DCC: variants seen among roughly 807,000 people sequenced by gnomAD.
DCC encodes the protein netrin receptor DCC.
In DCC, 58 loss-of-function variants were observed where a neutral mutation model predicts 172.5. That is an observed-to-expected ratio of 0.34 (90% CI 0.27 to 0.42). The LOEUF (loss-of-function observed/expected upper bound fraction) is 0.42, where lower values mean the gene tolerates loss of function less well. Ranked by LOEUF, DCC falls within the 10% of genes least tolerant of loss-of-function variation. The pLI, the probability that DCC is intolerant of heterozygous loss-of-function variation, is 1.00. For synonymous variants in DCC, 709 were observed against 644.5 expected (o/e 1.10, Z -1.52); for missense variants, 1,740 against 1,791.0 (o/e 0.97, Z 0.51).
At chr18:53,082,117 A>G (rs913178686) in intron 7 of DCC, among the ~76,000 whole-genome samples, 7 of 152,132 alleles carry the variant, frequency 4.6e-5, no homozygotes, top group African/African-American at 1.7e-4. Flanking sequence ...ATAAGCTTCA[A>G]TGGGGGCTTT....
chr18:53,101,387 A>G (rs114344653), intron 7 of DCC, among the ~76,000 whole-genome samples: 3,053 of 152,176 alleles, frequency 0.02, 106 homozygotes, highest in African/African-American at 0.069. Context: ...GCCATGAAAT[A>G]TTTCATGGGC....
chr18:52,515,403 C>G (rs577108702), intron 1 of DCC, among the ~76,000 whole-genome samples: 1 of 151,418 alleles, frequency 6.6e-6, no homozygotes, highest in Non-Finnish European at 1.5e-5. Flanking sequence ...GTCAAGAGAT[C>G]GAGACCATCC....
At chr18:53,088,690 A>T (rs191701195) in intron 7 of DCC, among the ~76,000 whole-genome samples, 1 of 152,328 alleles carries the variant, frequency 6.6e-6, no homozygotes, top group Non-Finnish European at 1.5e-5. Context: ...AGAAAAAAAG[A>T]GAGAAGAATC....
chr18:53,412,653 C>T (rs1460555339), intron 20 of DCC, among the ~76,000 whole-genome samples: 2 of 150,678 alleles, frequency 1.3e-5, no homozygotes. Flanking sequence ...CCAGTACTCA[C>T]TGGGTAATGG....
intron 2 of DCC, among the ~76,000 whole-genome samples, chr18:52,773,829 C>CATAT (rs369197942): frequency 7.3e-6 from 1 of 137,284 alleles, no homozygotes; most frequent in African/African-American, 2.5e-5. Flanking sequence ...GTGCCCAGCC[C>CATAT]ATATATATAT....
intron 9 of DCC, among the ~76,000 whole-genome samples, chr18:53,196,146 T>C (rs2055439781): frequency 6.6e-6 from 1 of 152,172 alleles, no homozygotes; most frequent in Non-Finnish European, 1.5e-5. Flanking sequence ...ACATGTAACA[T>C]TTAATATGTA....
chr18:53,203,194 G>A, intron 9 of DCC, among the ~76,000 whole-genome samples: 1 of 89,192 alleles, frequency 1.1e-5, no homozygotes, highest in African/African-American at 3.9e-5. Flanking sequence ...ATGATATATA[G>A]ATTCTCTTGT....
chr18:52,775,204 G>A (rs1247538181), intron 2 of DCC, among the ~76,000 whole-genome samples: 2 of 152,088 alleles, frequency 1.3e-5, no homozygotes, highest in African/African-American at 4.8e-5. Flanking sequence ...GGAGTGGCTC[G>A]TTTCTTCACT....
chr18:52,454,689 G>C (rs1050518238), intron 1 of DCC, among the ~76,000 whole-genome samples: 5 of 152,074 alleles, frequency 3.3e-5, no homozygotes, highest in Non-Finnish European at 7.4e-5. Context: ...TACTTTATGA[G>C]TATGCTATTG....
intron 2 of DCC, among the ~76,000 whole-genome samples, chr18:52,797,284 G>T (rs908367168): frequency 6.6e-6 from 1 of 152,110 alleles, no homozygotes; most frequent in Admixed American, 6.6e-5. Flanking sequence ...TGTTATTGAA[G>T]AATTATTTTG....
chr18:52,636,529 G>A (rs1248482990), intron 1 of DCC, among the ~76,000 whole-genome samples: 1 of 152,086 alleles, frequency 6.6e-6, no homozygotes, highest in Admixed American at 6.5e-5. Context: ...TTTGGTTTGC[G>A]TCCAGAGCTG....
chr18:53,275,267 A>G (rs2056792075), intron 12 of DCC, among the ~76,000 whole-genome samples: 1 of 152,142 alleles, frequency 6.6e-6, no homozygotes, highest in Admixed American at 6.6e-5. Flanking sequence ...TAAGGCTATT[A>G]CTGCTTTGCA....
At chr18:52,766,851 G>A (rs1215769948) in intron 2 of DCC, among the ~76,000 whole-genome samples, 1 of 151,970 alleles carries the variant, frequency 6.6e-6, no homozygotes, top group Non-Finnish European at 1.5e-5. Flanking sequence ...GATTTTGTCA[G>A]GGACCGACCC....
intron 7 of DCC, among the ~76,000 whole-genome samples, chr18:53,122,669 A>C (rs1419859107): frequency 6.6e-6 from 1 of 152,056 alleles, no homozygotes; most frequent in Non-Finnish European, 1.5e-5. Context: ...TTCAATTCAG[A>C]CTTTAATTAA....
intron 1 of DCC, among the ~76,000 whole-genome samples, chr18:52,548,088 A>G (rs999039713): frequency 6.6e-5 from 10 of 152,044 alleles, no homozygotes; most frequent in African/African-American, 2.4e-4. Context: ...AATATCTAAA[A>G]CCTTCTATTA....
At chr18:53,099,686 C>G (rs1180631871) in intron 7 of DCC, among the ~76,000 whole-genome samples, 2 of 152,048 alleles carry the variant, frequency 1.3e-5, no homozygotes, top group African/African-American at 2.4e-5. Flanking sequence ...CTGTTTTTAT[C>G]TGAATAACTA....
At chr18:53,354,836 A>C (rs1225529313) in intron 15 of DCC, among the ~76,000 whole-genome samples, 1 of 142,686 alleles carries the variant, frequency 7.0e-6, no homozygotes, top group African/African-American at 2.7e-5. Context: ...TGTTTTAGAC[A>C]TGAAGTCCTT....
intron 27 of DCC, among the ~76,000 whole-genome samples, chr18:53,516,082 G>A (rs970899702): frequency 2.7e-5 from 4 of 146,190 alleles, no homozygotes; most frequent in African/African-American, 8.3e-5. Flanking sequence ...AAACAGGATG[G>A]TACTGGTACC....
At chr18:53,458,832 T>A (rs997855652) in intron 23 of DCC, among the ~76,000 whole-genome samples, 6 of 152,234 alleles carry the variant, frequency 3.9e-5, no homozygotes, top group Admixed American at 1.3e-4. Context: ...TGGCCTTTTT[T>A]ATTTCTATTT....
Sources: gnomAD v4.1 joint callset for allele counts (sites outside exome capture counted in the v4.1 genomes callset) on GRCh38, gnomAD v4.1.1 for gene constraint, MANE v1.5 for transcripts, NCBI Gene and HGNC (gene_info 2026-07-23, HGNC 2026-07-21) for gene names.